Variants in MEIS1 observed in about 807,000 individuals in gnomAD.
MEIS1 encodes Meis homeobox 1.
Under a neutral mutation model 50.8 loss-of-function variants are expected in MEIS1, and 5 were observed. The ratio of observed to expected loss-of-function variants is 0.10; its 90% CI spans 0.05 to 0.21. The LOEUF (loss-of-function observed/expected upper bound fraction) is 0.21, where lower values mean the gene tolerates loss of function less well. MEIS1 is among the 10% of genes least tolerant of loss of function. The probability of loss-of-function intolerance (pLI) is 1.00; values close to 1 mark genes in which losing one functional copy is unlikely to be tolerated. For synonymous variants in MEIS1, 176 were observed against 179.3 expected (o/e 0.98, Z 0.15); for missense variants, 318 against 517.3 (o/e 0.61, Z 3.74).
chr2:66,509,106 T>A (rs980044900), intron 7 of MEIS1: 6 of 469,104 alleles, frequency 1.3e-5, no homozygotes, highest in African/African-American at 1.0e-4. Context: ...AATTGCGGAG[T>A]GAATGGAAAT....
intron 7 of MEIS1, among the ~76,000 whole-genome samples, chr2:66,495,125 G>A (rs1673371035): frequency 8.5e-6 from 1 of 117,016 alleles, no homozygotes; most frequent in African/African-American, 3.4e-5. Flanking sequence ...AGGAAAAGAA[G>A]CAAGTCTAGA....
intron 8 of MEIS1, among the ~76,000 whole-genome samples, chr2:66,528,710 A>G (rs1010822048): frequency 1.3e-5 from 2 of 152,096 alleles, no homozygotes; most frequent in African/African-American, 4.8e-5. Context: ...TCCTGCCTCT[A>G]ACATTGGTCC....
At chr2:66,481,072 A>C (rs781437091) in intron 7 of MEIS1, among the ~76,000 whole-genome samples, 1 of 152,154 alleles carries the variant, frequency 6.6e-6, no homozygotes, top group Non-Finnish European at 1.5e-5. Flanking sequence ...TGTGGTAGAA[A>C]TGAGCAGAGA....
chr2:66,477,287 A>G (rs929268430), intron 7 of MEIS1, among the ~76,000 whole-genome samples: 1 of 152,204 alleles, frequency 6.6e-6, no homozygotes, highest in East Asian at 1.9e-4. Context: ...TGGACTGGAC[A>G]GAGAAACAGT....
chr2:66,461,883 A>G (rs1259066809), intron 6 of MEIS1: 1 of 471,120 alleles, frequency 2.1e-6, no homozygotes, highest in Admixed American at 2.4e-5. Context: ...TGGTGATGAA[A>G]AAAGGTAGGC....
chr2:66,477,877 CT>C, intron 7 of MEIS1, among the ~76,000 whole-genome samples: 1 of 152,296 alleles, frequency 6.6e-6, no homozygotes, highest in Middle Eastern at 3.4e-3. Flanking sequence ...CTGCCCAAGA[CT>C]TAATAGAATG....
intron 5 of MEIS1, 95 bp downstream of exon 5, chr2:66,441,559 C>A: frequency 2.0e-6 from 2 of 988,190 alleles, no homozygotes; most frequent in Non-Finnish European, 2.9e-6. Flanking sequence ...CCTTCTGATA[C>A]ATTTGCATAA....
intron 4 of MEIS1, chr2:66,440,986 A>G (rs1573119462): frequency 3.0e-6 from 1 of 333,986 alleles, no homozygotes; most frequent in East Asian, 5.6e-5. Flanking sequence ...GAGCCCCCAA[A>G]CAACCAGTTT....
At chr2:66,561,187 C>T (rs1403793481) in intron 9 of MEIS1, among the ~76,000 whole-genome samples, 1 of 151,742 alleles carries the variant, frequency 6.6e-6, no homozygotes, top group Admixed American at 6.6e-5. Flanking sequence ...GATAACTAGA[C>T]CTCTTTCCCT....
At chr2:66,478,622 G>A (rs996712755) in intron 7 of MEIS1, among the ~76,000 whole-genome samples, 5 of 152,184 alleles carry the variant, frequency 3.3e-5, no homozygotes, top group Admixed American at 2.0e-4. Flanking sequence ...AGGATTAAAC[G>A]TGCTAAACAA....
At chr2:66,558,055 G>A (rs1260918969) in intron 9 of MEIS1, among the ~76,000 whole-genome samples, 3 of 151,934 alleles carry the variant, frequency 2.0e-5, no homozygotes, top group South Asian at 2.1e-4. Flanking sequence ...CGAGGGAGGC[G>A]GATCACCTGA....
intron 8 of MEIS1, among the ~76,000 whole-genome samples, chr2:66,536,464 C>T (rs1351942976): frequency 6.6e-6 from 1 of 152,162 alleles, no homozygotes; most frequent in East Asian, 1.9e-4. Flanking sequence ...AATAATTATA[C>T]CCGTAGCAAT....
chr2:66,549,679 G>A (rs1209303038), intron 9 of MEIS1, among the ~76,000 whole-genome samples: 1 of 152,092 alleles, frequency 6.6e-6, no homozygotes, highest in Non-Finnish European at 1.5e-5. Flanking sequence ...ATTTCCCTGG[G>A]AAGTGTTCCT....
intron 8 of MEIS1, among the ~76,000 whole-genome samples, chr2:66,532,239 A>G (rs934247511): frequency 6.6e-6 from 1 of 152,218 alleles, no homozygotes; most frequent in African/African-American, 2.4e-5. Context: ...TAAACCCCGT[A>G]GGCAGATTTT....
At chr2:66,488,369 T>TA (rs1400878765) in intron 7 of MEIS1, among the ~76,000 whole-genome samples, 1 of 152,188 alleles carries the variant, frequency 6.6e-6, no homozygotes, top group Non-Finnish European at 1.5e-5. Flanking sequence ...CTGAGAATAA[T>TA]ATGACTACAT....
intron 10 of MEIS1, chr2:66,567,947 A>G (rs979565564): frequency 1.6e-5 from 5 of 320,070 alleles, no homozygotes; most frequent in Middle Eastern, 1.0e-3. Context: ...AAGACATTCA[A>G]TGAGGTAGAG....
At chr2:66,436,305 T>G (rs1671795196) in intron 1 of MEIS1, among the ~76,000 whole-genome samples, 1 of 152,244 alleles carries the variant, frequency 6.6e-6, no homozygotes, top group Non-Finnish European at 1.5e-5. Flanking sequence ...GGAAATAACT[T>G]TGTCATAGTA....
intron 4 of MEIS1, 77 bp from the exon 5 acceptor site, chr2:66,441,337 C>A: frequency 1.5e-6 from 2 of 1,300,096 alleles, no homozygotes; most frequent in Non-Finnish European, 2.1e-6. Context: ...AGGGGGTGGG[C>A]TGGAGATGGT....
chr2:66,442,641 C>G, intron 5 of MEIS1: 1 of 398,100 alleles, frequency 2.5e-6, no homozygotes, highest in Non-Finnish European at 4.4e-6. Context: ...GCCCCAGGAG[C>G]AGATGAATTT....
Sources: allele counts gnomAD v4.1 joint callset (sites outside exome capture counted in the v4.1 genomes callset), GRCh38; gene constraint gnomAD v4.1.1; transcripts MANE v1.5; gene names NCBI Gene and HGNC (gene_info 2026-07-23, HGNC 2026-07-21).